Variants in BICD1 observed in about 807,000 individuals in gnomAD.
BICD1 encodes the protein BICD cargo adaptor 1, also known as protein bicaudal D homolog 1.
In BICD1, 35 loss-of-function variants were observed where a neutral mutation model predicts 92.5. The ratio of observed to expected loss-of-function variants is 0.38; its 90% CI spans 0.29 to 0.50. The LOEUF (loss-of-function observed/expected upper bound fraction) is 0.50, where lower values mean the gene tolerates loss of function less well. Among genes scored for constraint, BICD1 ranks in the 20% least tolerant of loss-of-function variants. BICD1 has a pLI of 0.93. For synonymous variants in BICD1, 429 were observed against 465.1 expected (o/e 0.92, Z 1.00); for missense variants, 950 against 1,189.8 (o/e 0.80, Z 2.97).
At chr12:32,166,063 GT>G (rs1943755035) in intron 1 of BICD1, among the ~76,000 whole-genome samples, 1 of 151,936 alleles carries the variant, frequency 6.6e-6, no homozygotes, top group Non-Finnish European at 1.5e-5. Flanking sequence ...GTTCAGAGCT[GT>G]TTTACTCCTT....
intron 1 of BICD1, among the ~76,000 whole-genome samples, chr12:32,159,532 C>T (rs1394360978): frequency 1.3e-5 from 2 of 152,222 alleles, no homozygotes; most frequent in Admixed American, 6.5e-5. Flanking sequence ...TGTTCAGCTT[C>T]AGCCACTACT....
chr12:32,153,822 C>A (rs1358631590), intron 1 of BICD1, among the ~76,000 whole-genome samples: 1 of 149,644 alleles, frequency 6.7e-6, no homozygotes, highest in African/African-American at 2.5e-5. Context: ...ATATATATTA[C>A]ATATCTAATA....
intron 2 of BICD1, among the ~76,000 whole-genome samples, chr12:32,239,883 C>T (rs1946189053): frequency 6.6e-6 from 1 of 152,094 alleles, no homozygotes; most frequent in Non-Finnish European, 1.5e-5. Flanking sequence ...GCTGGGATTA[C>T]AGGCATGAGC....
chr12:32,128,433 A>AT (rs1429668524), intron 1 of BICD1, among the ~76,000 whole-genome samples: 1 of 152,178 alleles, frequency 6.6e-6, no homozygotes, highest in Non-Finnish European at 1.5e-5. Flanking sequence ...GCCTGTACTA[A>AT]TTCTCTATAT....
At chr12:32,127,709 C>A (rs1942392143) in intron 1 of BICD1, among the ~76,000 whole-genome samples, 1 of 137,524 alleles carries the variant, frequency 7.3e-6, no homozygotes, top group African/African-American at 2.7e-5. Flanking sequence ...AAGGAAGTGA[C>A]AAGTGTGAAC....
chr12:32,197,557 A>C (rs889193854), intron 1 of BICD1, among the ~76,000 whole-genome samples: 3 of 152,228 alleles, frequency 2.0e-5, no homozygotes, highest in African/African-American at 7.2e-5. Context: ...CTGACAAAGT[A>C]ATTTTGGCTC....
rs754217813 is a variant in BICD1 at position 32,378,995 on chromosome 12, G to GCTAGAGGTCTAGCA, written c.*1370_*1371insAGAGGTCTAGCACT. The stretch of plus-strand genomic sequence containing the variant: ...GAGCTGAAAGGTCTAACACTCTCGG[G>GCTAGAGGTCTAGCA]CTCCTTAACCATCAAGTGCTGCCCA... On this transcript the variant is annotated 3_prime_UTR_variant, in exon 10 of 10. Coordinates refer to ENST00000652176, the MANE Select transcript of BICD1 (RefSeq NM_001714.4). The GCTAGAGGTCTAGCA allele has an allele frequency of 1.6e-4, 25 of 152,156 alleles. No homozygotes were observed. The highest frequency in any genetic ancestry group is 3.2e-4 in the Non-Finnish European group (22 of 68,020). 9.4% of individuals were successfully genotyped at this position (152,156 alleles called of 1,614,324 possible). A position where few individuals can be genotyped will look rare whatever the true frequency, so the allele number is the denominator to read the frequency against.
Position 32,337,514 on chromosome 12 carries a change from C to T in BICD1, c.2268C>T (p.Val756=). The part of the protein sequence containing the change: ...AMFATRCDEY[V]TQLDEMQRQL... The stretch of plus-strand genomic sequence containing the variant: ...TTGGTTCCAGATGTGATGAATATGT[C>T]ACCCAGTTGGATGAGATGCAGAGAC... Residue 756 remains valine, a synonymous_variant, in exon 7 of 10, where the codon GTC becomes GTT. Coordinates refer to ENST00000652176, the MANE Select transcript of BICD1 (RefSeq NM_001714.4). The surrounding 1 kb of genome is among the most constrained non-coding windows in gnomAD (Gnocchi z 4.7). 1 of 1,609,924 alleles carries T rather than the reference C, an allele frequency of 6.2e-7. No homozygotes were observed. The highest frequency in any genetic ancestry group is 8.5e-7 in the Non-Finnish European group (1 of 1,176,350).
In BICD1 at chr12:32,342,168, A is replaced by ATATATATG. The variant is rs1430312291; in HGVS notation, c.2764+3196_2764+3197insGTATATAT. Among the ~76,000 whole-genome samples, 310 of 78,880 alleles carry ATATATATG rather than the reference A, an allele frequency of 3.9e-3. 4 individuals are homozygous for ATATATATG. The highest frequency in any genetic ancestry group is 0.024 in the African/African-American group (278 of 11,796). The allele number at this position is 78,880 out of a possible 152,430, so 51.7% of individuals were successfully genotyped here. On this transcript the variant is annotated intron_variant, in intron 8 of 9. Coordinates refer to ENST00000652176, the MANE Select transcript of BICD1 (RefSeq NM_001714.4). Reference sequence around the variant, plus strand: ...TATATATATGTGTGTATATATATGTATATATATATGTGTGTATATATATAT... The same window carrying ATATATATG: ...TATATATATGTGTGTATATATATGTATATATATGTATATATATGTGTGTATATATATAT...
intron 2 of BICD1, among the ~76,000 whole-genome samples, chr12:32,243,761 C>T (rs1465809912): frequency 6.6e-6 from 1 of 152,114 alleles, no homozygotes; most frequent in Non-Finnish European, 1.5e-5. Flanking sequence ...ATATCTTTCC[C>T]TCTCCTTCCT....
rs200083582 is a variant in BICD1, at chr12:32,360,177, CA to C, written c.2765-7481del. Among the ~76,000 whole-genome samples, 152 of 133,496 alleles carry C rather than the reference CA, an allele frequency of 1.1e-3. 1 individual carries two copies. Among genetic ancestry groups the C allele is most frequent in the Admixed American group, 1.4e-3 (18 of 13,078 alleles). 87.6% of individuals were successfully genotyped at this position (133,496 alleles called of 152,430 possible). ...TGTGCGACAGAGTGAGACTCCATCT[CA>C]AAAAAAAAAAAGAATATATGAGTTG... On this transcript the variant is annotated intron_variant, in intron 8 of 9. Coordinates refer to ENST00000652176, the MANE Select transcript of BICD1 (RefSeq NM_001714.4).
intron 2 of BICD1, among the ~76,000 whole-genome samples, chr12:32,265,402 T>C (rs1946964765): frequency 6.6e-6 from 1 of 152,110 alleles, no homozygotes; most frequent in Non-Finnish European, 1.5e-5. Flanking sequence ...ATCAATTCAG[T>C]TGGTTCTTTT....
At chr12:32,145,418 T>C (rs998067414) in intron 1 of BICD1, among the ~76,000 whole-genome samples, 12 of 152,216 alleles carry the variant, frequency 7.9e-5, no homozygotes, top group Non-Finnish European at 1.6e-4. Context: ...TTTTGACTTG[T>C]GATGTATTGA....
intron 1 of BICD1, among the ~76,000 whole-genome samples, chr12:32,124,751 A>G (rs113097029): frequency 7.8e-4 from 118 of 152,146 alleles, no homozygotes; most frequent in African/African-American, 2.8e-3. Flanking sequence ...CCTGTAGAAG[A>G]GGGAAGGCTG....
intron 2 of BICD1, among the ~76,000 whole-genome samples, chr12:32,266,164 T>C (rs1159278321): frequency 6.6e-6 from 1 of 152,178 alleles, no homozygotes; most frequent in Non-Finnish European, 1.5e-5. Context: ...TGTAGTTCTA[T>C]CATACATAGA....
chr12:32,120,141 A>T (rs1198786941), intron 1 of BICD1, among the ~76,000 whole-genome samples: 1 of 152,122 alleles, frequency 6.6e-6, no homozygotes, highest in African/African-American at 2.4e-5. Context: ...TGCAGTTTTT[A>T]TGCCAACTTT....
intron 6 of BICD1, among the ~76,000 whole-genome samples, chr12:32,335,836 C>T (rs545729900): frequency 1.3e-4 from 19 of 151,978 alleles, no homozygotes; most frequent in African/African-American, 3.9e-4. Flanking sequence ...CCGCCCACCT[C>T]GGCCTCCAAA....
intron 1 of BICD1, among the ~76,000 whole-genome samples, chr12:32,182,278 C>CTTTCTTTTTTTTTTTTTTTTT (rs1198874082): frequency 1.2e-5 from 1 of 81,422 alleles, no homozygotes; most frequent in East Asian, 4.1e-4. Flanking sequence ...TTCTTTCTTT[C>CTTTCTTTTTTTTTTTTTTTTT]TTTTTTTTTT....
At chr12:32,221,602 A>T (rs544678963) in intron 2 of BICD1, among the ~76,000 whole-genome samples, 1 of 151,340 alleles carries the variant, frequency 6.6e-6, no homozygotes, top group Admixed American at 6.6e-5. Context: ...AATTGCTTGA[A>T]CCCGGGAGGC....
Sources: gnomAD v4.1 joint callset for allele counts (sites outside exome capture counted in the v4.1 genomes callset) on GRCh38, gnomAD v4.1.1 for gene constraint, Gnocchi (gnomAD v3.1) non-coding constraint, MANE v1.5 for transcripts, NCBI Gene and HGNC (gene_info 2026-07-23, HGNC 2026-07-21) for gene names.